ELP1: variants seen among roughly 807,000 people sequenced by gnomAD.
The protein encoded by ELP1 is elongator complex protein 1.
Under a neutral mutation model 183.2 loss-of-function variants are expected in ELP1, and 131 were observed. The observed-to-expected ratio is 0.72, with a 90% confidence interval of 0.62 to 0.83. The LOEUF (loss-of-function observed/expected upper bound fraction) is 0.83. Among genes scored for constraint, ELP1 ranks in the 40% least tolerant of loss-of-function variants. The pLI, the probability that ELP1 is intolerant of heterozygous loss-of-function variation, is 0.00. For synonymous variants in ELP1, 555 were observed against 569.0 expected, an observed-to-expected ratio of 0.98 and a Z score of 0.35; for missense variants, 1,550 against 1,594.9, an observed-to-expected ratio of 0.97 and a Z score of 0.48.
chr9:108,885,618 A>C (rs562589721), intron 29 of ELP1, among the ~76,000 whole-genome samples: 1 of 152,216 alleles, frequency 6.6e-6, no homozygotes, highest in Non-Finnish European at 1.5e-5. Context: ...TGGGAGAAAG[A>C]GCTGAGCTGT....
intron 14 of ELP1, among the ~76,000 whole-genome samples, chr9:108,906,054 T>C (rs552204488): frequency 6.6e-6 from 1 of 152,348 alleles, no homozygotes; most frequent in Admixed American, 6.5e-5. Flanking sequence ...TTAAAATATT[T>C]AACATATCTT....
intron 35 of ELP1, 27 bp from the exon 36 acceptor site, chr9:108,874,997 A>G: frequency 6.7e-7 from 1 of 1,485,818 alleles, no homozygotes; most frequent in South Asian, 1.1e-5. Context: ...CTGTATCAGC[A>G]AAGATTATCT....
intron 8 of ELP1, among the ~76,000 whole-genome samples, chr9:108,918,447 C>G (rs956875334): frequency 1.3e-5 from 2 of 152,128 alleles, no homozygotes; most frequent in East Asian, 3.9e-4. Flanking sequence ...GCACCATTTG[C>G]CCCACAGAGC....
Position 108,929,801 on chromosome 9 carries a change from C to T in ELP1, c.271G>A (p.Asp91Asn). The change falls in exon 3 of 37, where the codon GAC (aspartate) becomes AAC (asparagine). Residue 91 changes from aspartate (D) to asparagine (N), a missense_variant. Transcript: ENST00000374647. ...ESVCVATASGDVILCSLSTQQ... is the reference protein window; with the variant it reads ...ESVCVATASGNVILCSLSTQQ... ...GTGCTGAGACTGCAGAGTATGACGT[C>T]TCCAGAGGCTGTGGCCACACACACA... is the stretch of plus-strand genomic sequence containing the variant. 6.2e-7 allele frequency: 1 copy of T among 1,613,970 alleles called. No homozygotes were observed. Among genetic ancestry groups the T allele is most frequent in the Non-Finnish European group, 8.5e-7 (1 of 1,180,034 alleles).
chr9:108,894,141 A>G (rs1828450502), intron 25 of ELP1, 75 bp from the exon 26 acceptor site: 1 of 858,346 alleles, frequency 1.2e-6, no homozygotes, highest in Non-Finnish European at 1.8e-6. Context: ...ATTTACATAT[A>G]GCAATAAACC....
intron 14 of ELP1, among the ~76,000 whole-genome samples, chr9:108,905,558 T>C (rs774400143): frequency 3.3e-5 from 5 of 152,106 alleles, no homozygotes; most frequent in Non-Finnish European, 7.4e-5. Context: ...ATAGGATATA[T>C]AGAAGAGGAG....
intron 15 of ELP1, 133 bp downstream of exon 15, chr9:108,903,429 TA>T: frequency 1.4e-6 from 1 of 704,870 alleles, no homozygotes; most frequent in Non-Finnish European, 2.5e-6. Context: ...AATTCCACTC[TA>T]AAGCTTAGGG....
Position 108,901,421 on chromosome 9 carries a change from T to C in ELP1, c.2014+4A>G. The C allele has an allele frequency of 3.1e-6, 5 of 1,598,176 alleles. No individual in the cohort carries two copies. Among genetic ancestry groups the C allele is most frequent in the Non-Finnish European group, 4.3e-6 (5 of 1,165,518 alleles). ...CATTTCTGTTTTATACATTGAAAAC[T>C]TACTTTTAAATGAAGCATCCCTCAG... On this transcript the variant is annotated splice_donor_region_variant and intron_variant, in intron 18 of 36. Transcript: ENST00000374647.
In ELP1 at chr9:108,868,824, A is replaced by G; in HGVS notation, c.*291T>C. On this transcript the variant is annotated 3_prime_UTR_variant, in exon 37 of 37. Coordinates refer to ENST00000374647, the MANE Select transcript of ELP1 (RefSeq NM_003640.5). ...GTAGAAATCATGAAACATTAATCTC[A>G]TGATTACCATAATTATGCTCTCAAA... The G allele has an allele frequency of 1.7e-6, 1 of 588,716 alleles. No individual in the cohort carries two copies. Among genetic ancestry groups the G allele is most frequent in the South Asian group, 2.2e-5 (1 of 46,196 alleles). 36.5% of individuals were successfully genotyped at this position (588,716 alleles called of 1,614,324 possible).
intron 29 of ELP1, among the ~76,000 whole-genome samples, chr9:108,888,373 T>TA (rs1351896489): frequency 1.3e-5 from 2 of 152,232 alleles, no homozygotes; most frequent in Admixed American, 6.5e-5. Context: ...ATTCTTCATC[T>TA]AAAATTGGTG....
At position 108,902,851 on chromosome 9, in the gene ELP1, C is replaced by G; in HGVS notation, c.1842G>C (p.Met614Ile). ...CGTGTTCACCTACCTCTTCTCCAAT[C>G]ATGGCCAATTCGGTCTGGGTGCATG... is the stretch of plus-strand genomic sequence containing the variant. Reference protein sequence around the residue: ...PYPCTQTELAMIGEEECVLGL... With the variant: ...PYPCTQTELAIIGEEECVLGL... The change falls in exon 16 of 37, where the codon ATG becomes ATC. Residue 614 changes from methionine (M) to isoleucine (I), a missense_variant. Coordinates refer to ENST00000374647, the MANE Select transcript of ELP1 (RefSeq NM_003640.5). 1.2e-6 allele frequency: 2 copies of G among 1,613,334 alleles called. No individual in the cohort carries two copies. The highest frequency in any genetic ancestry group is 1.1e-5 in the South Asian group (1 of 91,054).
chr9:108,888,675 CAA>C (rs1320579099), intron 29 of ELP1, among the ~76,000 whole-genome samples: 2 of 152,092 alleles, frequency 1.3e-5, no homozygotes, highest in African/African-American at 4.8e-5. Context: ...TGTTATTACA[CAA>C]GAGACAATTA....
At position 108,891,261 on chromosome 9, in the gene ELP1, C is replaced by A. The variant is rs755012004; in HGVS notation, c.3102G>T (p.Val1034=). 1 of 1,614,188 alleles carries A rather than the reference C, an allele frequency of 6.2e-7. No individual in the cohort carries two copies. The highest frequency in any genetic ancestry group is 8.5e-7 in the Non-Finnish European group (1 of 1,180,010). Residue 1034 remains valine, a synonymous_variant, in exon 28 of 37, where the codon GTG becomes GTT. Coordinates refer to ENST00000374647, the MANE Select transcript of ELP1 (RefSeq NM_003640.5). The stretch of plus-strand genomic sequence containing the variant: ...CTTTGGTAAAGTTAAGCTGGGCTGC[C>A]ACACAGAGGGCTTGCTTCCAGTTGC... The part of the protein sequence containing the change: ...TCGNWKQALC[V]AAQLNFTKDQ...
intron 6 of ELP1, among the ~76,000 whole-genome samples, chr9:108,920,041 A>G (rs1413893139): frequency 6.6e-6 from 1 of 152,176 alleles, no homozygotes; most frequent in Non-Finnish European, 1.5e-5. Context: ...TTTATTCTCA[A>G]TGAAACTGTC....
chr9:108,872,498 C>CTT (rs1827493973), intron 36 of ELP1, among the ~76,000 whole-genome samples: 1 of 152,066 alleles, frequency 6.6e-6, no homozygotes, highest in South Asian at 2.1e-4. Flanking sequence ...TGGAATAAGA[C>CTT]TTTATCTTAA....
At chr9:108,897,684 T>C (rs561281359) in intron 22 of ELP1, among the ~76,000 whole-genome samples, 117 of 152,358 alleles carry the variant, frequency 7.7e-4, no homozygotes, top group African/African-American at 2.7e-3. Flanking sequence ...TGCTTCCATT[T>C]AGGTGAAGTT....
intron 29 of ELP1, 150 bp from the exon 30 acceptor site, chr9:108,882,337 T>C: frequency 4.5e-6 from 3 of 667,672 alleles, no homozygotes; most frequent in African/African-American, 1.8e-5. Flanking sequence ...CTAGAGTTCA[T>C]GACTCCATAA....
Position 108,891,371 on chromosome 9 carries a change from G to C in ELP1, c.2992C>G (p.Gln998Glu), listed in dbSNP as rs1828328786. The C allele has an allele frequency of 1.2e-6, 2 of 1,613,892 alleles. No homozygotes were observed. Among genetic ancestry groups the C allele is most frequent in the South Asian group, 1.1e-5 (1 of 91,064 alleles). Residue 998 changes from glutamine to glutamate, a missense_variant, in exon 28 of 37, where the codon CAG becomes GAG. Transcript: ENST00000374647. Reference protein sequence around the residue: ...ISIAYGEHLMQEHMYEPAGLM... With the variant: ...ISIAYGEHLMEEHMYEPAGLM... ...CCCGCTGGCTCATACATGTGCTCCT[G>C]CATCAGGTGCTCCCCATAAGCAATG...
chr9:108,933,986 T>C lies in ELP1; in HGVS notation c.-178A>G, dbSNP rs1014669422. 1 of 157,164 alleles carries C rather than the reference T, an allele frequency of 6.4e-6. No homozygotes were observed. Among genetic ancestry groups the C allele is most frequent in the Admixed American group, 6.5e-5 (1 of 15,302 alleles). 9.7% of individuals were successfully genotyped at this position (157,164 alleles called of 1,614,324 possible). On this transcript the variant is annotated 5_prime_UTR_variant, in exon 1 of 37. Transcript: ENST00000374647. ...GCTCCGAATTGCGCACGCGTCTCTG[T>C]CCGCGGCTCCCGCTCTCTCTCCGAC...
Sources: gnomAD v4.1 joint callset for allele counts (sites outside exome capture counted in the v4.1 genomes callset) on GRCh38, gnomAD v4.1.1 for gene constraint, MANE v1.5 for transcripts, NCBI Gene and HGNC (gene_info 2026-07-23, HGNC 2026-07-21) for gene names.